Variants in EML5 observed in about 807,000 individuals in gnomAD.
EML5 encodes the protein echinoderm microtubule-associated protein-like 5.
A neutral mutation model predicts 250.0 loss-of-function variants in EML5; 120 were observed. That is an observed-to-expected ratio of 0.48 (90% confidence interval 0.41 to 0.56). EML5 has a LOEUF of 0.56. Among genes scored for constraint, EML5 ranks in the 20% least tolerant of loss-of-function variants. EML5 has a pLI of 0.00. For synonymous variants in EML5, 771 were observed against 806.5 expected (o/e 0.96, Z 0.75); for missense variants, 2,006 against 2,437.6 (o/e 0.82, Z 3.73).
chr14:88,659,411 CA>C (rs2091994885), intron 25 of EML5, among the ~76,000 whole-genome samples: 1 of 152,058 alleles, frequency 6.6e-6, no homozygotes, highest in Admixed American at 6.6e-5. Context: ...GGGGTTTCAC[CA>C]TGTTGACTAG....
intron 43 of EML5, 71 bp from the exon 44 acceptor site, chr14:88,615,925 C>T (rs1595172531): frequency 7.2e-6 from 11 of 1,527,026 alleles, no homozygotes; most frequent in African/African-American, 5.5e-5. Context: ...TAATATTTTT[C>T]AGTTGTGCTT....
At chr14:88,662,726 G>T (rs538438799) in intron 24 of EML5, among the ~76,000 whole-genome samples, 26 of 151,654 alleles carry the variant, frequency 1.7e-4, no homozygotes, top group African/African-American at 5.3e-4. Flanking sequence ...GTATTTTTTT[G>T]TAGAGATGGG....
chr14:88,776,603 G>A lies in EML5; in HGVS notation c.197+15704C>T, dbSNP rs536522657. Among the ~76,000 whole-genome samples the A allele has an allele frequency of 9.4e-4, 143 of 152,032 alleles. 1 individual carries two copies. Among genetic ancestry groups the A allele is most frequent in the African/African-American group, 2.9e-3 (122 of 41,520 alleles). ...AAAATAAAAAACAATGAAGTGGGTC[G>A]GGCATGGTGGCTCACACCTGTAATC... On this transcript the variant is annotated intron_variant, in intron 1 of 43. Transcript: ENST00000554922.
At chr14:88,790,252 C>T (rs2094592108) in intron 1 of EML5, among the ~76,000 whole-genome samples, 2 of 152,250 alleles carry the variant, frequency 1.3e-5, no homozygotes, top group Non-Finnish European at 2.9e-5. Flanking sequence ...GATTTTACTC[C>T]CTCATTGAAA....
chr14:88,662,437 G>A (rs147232590), intron 24 of EML5, among the ~76,000 whole-genome samples: 42 of 140,506 alleles, frequency 3.0e-4, no homozygotes, highest in Admixed American at 2.6e-3. Context: ...TGGCAGATAT[G>A]CAATACTCCA....
intron 21 of EML5, among the ~76,000 whole-genome samples, chr14:88,678,605 C>A (rs1187479278): frequency 6.6e-6 from 1 of 151,834 alleles, no homozygotes; most frequent in Non-Finnish European, 1.5e-5. Context: ...TTTTAGGTTC[C>A]AAAATACTCA....
At chr14:88,759,991 C>T (rs2094216249) in intron 1 of EML5, among the ~76,000 whole-genome samples, 4 of 152,154 alleles carry the variant, frequency 2.6e-5, no homozygotes, top group Admixed American at 1.3e-4. Context: ...TTATAATGAT[C>T]TGTTCAAGTC....
At chr14:88,663,796 A>AAG (rs1466655701) in intron 23 of EML5, among the ~76,000 whole-genome samples, 1 of 151,778 alleles carries the variant, frequency 6.6e-6, no homozygotes, top group East Asian at 1.9e-4. Flanking sequence ...TGGCCTCCCA[A>AAG]AGTACTGAGA....
chr14:88,740,836 C>T (rs1437254907), intron 4 of EML5, among the ~76,000 whole-genome samples: 1 of 152,098 alleles, frequency 6.6e-6, no homozygotes, highest in Non-Finnish European at 1.5e-5. Context: ...ATATGCTATG[C>T]TTTCCTTAGG....
At position 88,702,024 on chromosome 14, in the gene EML5, C is replaced by A. The variant is rs558718864; in HGVS notation, c.2238+422G>T. On this transcript the variant is annotated intron_variant, in intron 14 of 43. Coordinates refer to ENST00000554922, the MANE Select transcript of EML5 (RefSeq NM_183387.3). ...TATTTGTGCTTTCTACTTTGGTAAA[C>A]CTGAATAGATTACTATCATGGTTGT... Among the ~76,000 whole-genome samples, 5 of 152,150 alleles carry A rather than the reference C, an allele frequency of 3.3e-5. No homozygotes were observed. The South Asian group carries it at 1.0e-3, about 32-fold the overall frequency.
chr14:88,627,499 T>G (rs1243480074), intron 34 of EML5, 147 bp downstream of exon 34: 3 of 703,688 alleles, frequency 4.3e-6, no homozygotes, highest in Non-Finnish European at 4.4e-6. Context: ...GAAATATACC[T>G]ACAGTACCAC....
At position 88,688,451 on chromosome 14, in the gene EML5, T is replaced by G; in HGVS notation, c.2562A>C (p.Lys854Asn). ...RKAGGGLIGRKGYIGTLGKND... is the reference protein window; with the variant it reads ...RKAGGGLIGRNGYIGTLGKND... ...TTTTCCCCAGTGTGCCTATGTAGCC[T>G]TTTCTTCCAATCAATCCTCCCCCTA... Residue 854 changes from lysine (K) to asparagine (N), a missense_variant, in exon 18 of 44, where the codon AAA becomes AAC. Around this residue, in one of 7 missense-constraint regions of EML5, gnomAD observed 1,375 missense variants for 1,590.3 expected, o/e 0.86. Coordinates refer to ENST00000554922, the MANE Select transcript of EML5 (RefSeq NM_183387.3). 1 of 1,613,788 alleles carries G rather than the reference T, an allele frequency of 6.2e-7. No individual in the cohort carries two copies. The highest frequency in any genetic ancestry group is 8.5e-7 in the Non-Finnish European group (1 of 1,179,838).
Position 88,644,466 on chromosome 14 carries a change from T to G in EML5, c.4074A>C (p.Thr1358=), listed in dbSNP as rs1262426646. The G allele has an allele frequency of 1.9e-6, 3 of 1,613,734 alleles. No homozygotes were observed. Among genetic ancestry groups the G allele is most frequent in the Non-Finnish European group, 2.5e-6 (3 of 1,179,810 alleles). The change falls in exon 30 of 44, where the codon ACA becomes ACC. Residue 1358 remains threonine, a synonymous_variant. Coordinates refer to ENST00000554922, the MANE Select transcript of EML5 (RefSeq NM_183387.3). The part of the protein sequence containing the change: ...RAPPQPEKLQ[T]NNVGKKKRPI... ...GTCTCTTTTTCTTGCCTACATTGTTTGTCTGGAGTTTCTCTGGCTGTGGTG... is the reference window on the plus strand; with the variant it reads ...GTCTCTTTTTCTTGCCTACATTGTTGGTCTGGAGTTTCTCTGGCTGTGGTG...
At position 88,736,087 on chromosome 14, in the gene EML5, G is replaced by A. The variant is rs28714506; in HGVS notation, c.1049+277C>T. ...ATGATCTTGGCGCACTGCAACCTTC[G>A]CCTCCTGGGTTCAAGCGATTCTCCT... is the stretch of plus-strand genomic sequence containing the variant. On this transcript the variant is annotated intron_variant, in intron 7 of 43. Coordinates refer to ENST00000554922, the MANE Select transcript of EML5 (RefSeq NM_183387.3). Among the ~76,000 whole-genome samples the A allele has an allele frequency of 7.9e-3, 1,182 of 148,720 alleles. 17 individuals are homozygous for A. The highest frequency in any genetic ancestry group is 0.028 in the African/African-American group (1,125 of 40,308).
At chr14:88,687,070 T>C in intron 19 of EML5, 146 bp downstream of exon 19, 2 of 612,284 alleles carry the variant, frequency 3.3e-6, no homozygotes, top group Non-Finnish European at 5.7e-6. Flanking sequence ...GATTCTGGTA[T>C]CCAGTTAAGT....
intron 20 of EML5, 28 bp downstream of exon 20, chr14:88,684,987 A>C: frequency 6.3e-7 from 1 of 1,583,662 alleles, no homozygotes; most frequent in Non-Finnish European, 8.6e-7. Flanking sequence ...ATGTAAAGAA[A>C]AAAAAACAAA....
intron 21 of EML5, among the ~76,000 whole-genome samples, chr14:88,677,811 G>A (rs2092629478): frequency 6.6e-6 from 1 of 152,194 alleles, no homozygotes; most frequent in Non-Finnish European, 1.5e-5. Context: ...TGGTGCTAAG[G>A]CTGTGGAGAA....
chr14:88,749,417 C>T (rs1046719692), intron 2 of EML5, among the ~76,000 whole-genome samples: 1 of 152,056 alleles, frequency 6.6e-6, no homozygotes, highest in Non-Finnish European at 1.5e-5. Context: ...AGTAAACCTG[C>T]ACTACAAGAT....
chr14:88,644,900 C>T (rs1473945860), intron 29 of EML5, among the ~76,000 whole-genome samples: 10 of 151,872 alleles, frequency 6.6e-5, no homozygotes, highest in South Asian at 2.1e-4. Flanking sequence ...TTAGTAGAGA[C>T]GGGGTTTCAC....
Sources: gnomAD v4.1 joint callset for allele counts (sites outside exome capture counted in the v4.1 genomes callset) on GRCh38, gnomAD v4.1.1 for gene constraint, gnomAD v4.1.1 regional missense constraint, MANE v1.5 for transcripts, NCBI Gene and HGNC (gene_info 2026-07-23, HGNC 2026-07-21) for gene names.